AFF4: variants seen among roughly 807,000 people sequenced by gnomAD.
AFF4 encodes ALF transcription elongation factor 4.
Under a neutral mutation model 124.8 loss-of-function variants are expected in AFF4, and 13 were observed. The observed-to-expected ratio is 0.10, with a 90% CI of 0.07 to 0.17. The LOEUF (loss-of-function observed/expected upper bound fraction) is 0.17. AFF4 is among the 10% of genes least tolerant of loss of function. AFF4 has a pLI of 1.00. For synonymous variants in AFF4, 477 were observed against 496.1 expected, an observed-to-expected ratio of 0.96 and a Z score of 0.51; for missense variants, 1,092 against 1,403.8, an observed-to-expected ratio of 0.78 and a Z score of 3.55.
chr5:132,880,981 G>A lies in AFF4; in HGVS notation c.*78C>T, dbSNP rs1468564679. On this transcript the variant is annotated 3_prime_UTR_variant, in exon 21 of 21. Transcript: ENST00000265343. Reference sequence around the variant, plus strand: ...TCCTCATTCTTAGTGTCGACTAGGTGGTATGTTATGGCAGTTTTCCTTCGT... The same window carrying A: ...TCCTCATTCTTAGTGTCGACTAGGTAGTATGTTATGGCAGTTTTCCTTCGT... 3 of 1,525,154 alleles carry A rather than the reference G, an allele frequency of 2.0e-6. No individual in the cohort carries two copies. In the Admixed American group the frequency reaches 6.3e-5, roughly 32 times the overall value. 94.5% of individuals were successfully genotyped at this position (1,525,154 alleles called of 1,614,324 possible).
intron 11 of AFF4, among the ~76,000 whole-genome samples, chr5:132,895,190 A>G (rs78931081): frequency 6.6e-6 from 1 of 152,018 alleles, no homozygotes; most frequent in African/African-American, 2.4e-5. Flanking sequence ...TGAGCAAAAC[A>G]TCTCTATACT....
At chr5:132,908,845 T>C (rs1760730154) in intron 5 of AFF4, among the ~76,000 whole-genome samples, 1 of 149,462 alleles carries the variant, frequency 6.7e-6, no homozygotes, top group African/African-American at 2.5e-5. Flanking sequence ...ATTTCGGCTC[T>C]CTGCCACCTC....
At chr5:132,930,985 T>C (rs1761285604) in intron 4 of AFF4, among the ~76,000 whole-genome samples, 1 of 141,432 alleles carries the variant, frequency 7.1e-6, no homozygotes, top group Non-Finnish European at 1.5e-5. Flanking sequence ...CAGATGCCTA[T>C]AATCCCAGCT....
chr5:132,961,294 C>T (rs1028304981), intron 1 of AFF4, among the ~76,000 whole-genome samples: 6 of 152,080 alleles, frequency 3.9e-5, no homozygotes, highest in African/African-American at 7.2e-5. Context: ...GGACTACAGG[C>T]ATGTACCACC....
chr5:132,958,833 C>A (rs1048689673), intron 1 of AFF4, among the ~76,000 whole-genome samples: 7 of 152,136 alleles, frequency 4.6e-5, no homozygotes, highest in African/African-American at 1.7e-4. Context: ...CCCAAAGCAA[C>A]TCCAGGCAGC....
intron 5 of AFF4, among the ~76,000 whole-genome samples, chr5:132,925,792 G>A (rs1037183448): frequency 3.9e-5 from 6 of 152,180 alleles, no homozygotes; most frequent in Non-Finnish European, 5.9e-5. Flanking sequence ...AATACAAGTG[G>A]GAATACTGGC....
At chr5:132,903,312 C>T (rs903064236) in intron 6 of AFF4, among the ~76,000 whole-genome samples, 1 of 152,132 alleles carries the variant, frequency 6.6e-6, no homozygotes, top group South Asian at 2.1e-4. Flanking sequence ...GAAAGCATAA[C>T]ATCAAAAGAG....
intron 1 of AFF4, among the ~76,000 whole-genome samples, chr5:132,962,982 TGAGGAAAGAAA>T (rs1762114297): frequency 6.6e-6 from 1 of 152,140 alleles, no homozygotes; most frequent in African/African-American, 2.4e-5. Context: ...ATGGAACGTC[TGAGGAAAGAAA>T]GAGGAAAGGA....
chr5:132,877,145 ACAT>A lies in AFF4; in HGVS notation c.*3911_*3913del. 4.8e-6 allele frequency: 1 copy of A among 206,426 alleles called. No individual in the cohort carries two copies. Among genetic ancestry groups the A allele is most frequent in the Non-Finnish European group, 9.9e-6 (1 of 100,740 alleles). The allele number at this position is 206,426 out of a possible 1,614,324, so 12.8% of individuals were successfully genotyped here. ...CCAAGTTACTTAGGTTTTTTAAAAAACATCATCACAAGCTGCCTAACAGTCATC... is the reference window on the plus strand; with the variant it reads ...CCAAGTTACTTAGGTTTTTTAAAAAACATCACAAGCTGCCTAACAGTCATC... On this transcript the variant is annotated 3_prime_UTR_variant, in exon 21 of 21. Coordinates refer to ENST00000265343, the MANE Select transcript of AFF4 (RefSeq NM_014423.4).
Position 132,934,901 on chromosome 5 carries a change from A to G in AFF4, c.164T>C (p.Met55Thr), listed in dbSNP as rs372786258. The G allele has an allele frequency of 2.5e-6, 4 of 1,611,018 alleles. No homozygotes were observed. The highest frequency in any genetic ancestry group is 1.3e-5 in the African/African-American group (1 of 74,772). ...EDKLSSRIQS[M>T]LGNYDEMKDF... ...CTTCATTTCATCGTAGTTTCCAAGC[A>G]TACTCTGAATACGACTTGATAACTT... Residue 55 changes from methionine (M) to threonine (T), a missense_variant, in exon 3 of 21, where the codon ATG becomes ACG. This residue lies in a region of AFF4 where 35 missense variants were observed against 70.9 expected (regional missense o/e 0.49). Transcript: ENST00000265343.
At chr5:132,962,801 CTTCTT>C (rs1219478484) in intron 1 of AFF4, among the ~76,000 whole-genome samples, 1 of 133,412 alleles carries the variant, frequency 7.5e-6, no homozygotes, top group African/African-American at 3.3e-5. Flanking sequence ...GAAATTTTTC[CTTCTT>C]TTTTTTTTTT....
intron 1 of AFF4, among the ~76,000 whole-genome samples, chr5:132,939,777 A>G (rs1388224579): frequency 6.6e-6 from 1 of 152,122 alleles, no homozygotes; most frequent in African/African-American, 2.4e-5. Context: ...CGCCCGGCTA[A>G]TTTTTGTATT....
rs976746216 is a variant in AFF4, at chr5:132,892,935, T to C, written c.2396+95A>G. 1.2e-5 allele frequency: 15 copies of C among 1,205,410 alleles called. No individual in the cohort carries two copies. The Admixed American group carries it at 1.3e-4, about 10-fold the overall frequency. 74.7% of individuals were successfully genotyped at this position (1,205,410 alleles called of 1,614,324 possible). ...ATGCATTTATATAACACTTGCTTACTAAAAGGAACACTCAGAGCATGTCAG... is the reference window on the plus strand; with the variant it reads ...ATGCATTTATATAACACTTGCTTACCAAAAGGAACACTCAGAGCATGTCAG... On this transcript the variant is annotated intron_variant, in intron 12 of 20. Coordinates refer to ENST00000265343, the MANE Select transcript of AFF4 (RefSeq NM_014423.4).
chr5:132,943,986 G>C (rs1371280666), intron 1 of AFF4: 1 of 154,656 alleles, frequency 6.5e-6, no homozygotes, highest in African/African-American at 2.4e-5. Flanking sequence ...CACGTGTGTT[G>C]AGAGCTTCTG....
chr5:132,885,364 A>G (rs1561478900), intron 18 of AFF4, among the ~76,000 whole-genome samples: 1 of 151,376 alleles, frequency 6.6e-6, no homozygotes, highest in East Asian at 1.9e-4. Context: ...TGAGTAACAC[A>G]TGGATAAAGG....
rs79020539 is a variant in AFF4 at position 132,878,558 on chromosome 5, T to C, written c.*2501A>G. 0.012 allele frequency: 2,699 copies of C among 231,242 alleles called. 29 individuals are homozygous for C. Among genetic ancestry groups the C allele is most frequent in the African/African-American group, 0.033 (1,510 of 45,294 alleles). 14.3% of individuals were successfully genotyped at this position (231,242 alleles called of 1,614,324 possible). On this transcript the variant is annotated 3_prime_UTR_variant, in exon 21 of 21. Coordinates refer to ENST00000265343, the MANE Select transcript of AFF4 (RefSeq NM_014423.4). ...GACAAAGACAGAACATCTAAGAAGA[T>C]AGACATGGAGGAAAGGGAGTAGTAT... is the stretch of plus-strand genomic sequence containing the variant.
chr5:132,921,792 T>G (rs899966376), intron 5 of AFF4, among the ~76,000 whole-genome samples: 2 of 151,490 alleles, frequency 1.3e-5, no homozygotes, highest in African/African-American at 2.4e-5. Flanking sequence ...ATTTTTTCTT[T>G]CCCCCCCAGA....
chr5:132,951,460 G>C (rs1430560155), intron 1 of AFF4, among the ~76,000 whole-genome samples: 1 of 152,194 alleles, frequency 6.6e-6, no homozygotes, highest in Non-Finnish European at 1.5e-5. Flanking sequence ...ACATCTCCAA[G>C]TATTCTCTCC....
At position 132,880,654 on chromosome 5, in the gene AFF4, T is replaced by A. The variant is rs1467249378; in HGVS notation, c.*405A>T. On this transcript the variant is annotated 3_prime_UTR_variant, in exon 21 of 21. Transcript: ENST00000265343. ...CCCAAGGTATATAAATAAAAATGTC[T>A]ACATTAAATTTATGCTAAATATTCA... 3.2e-6 allele frequency: 1 copy of A among 314,266 alleles called. No individual in the cohort carries two copies. The highest frequency in any genetic ancestry group is 5.8e-6 in the Non-Finnish European group (1 of 173,616). 19.5% of individuals were successfully genotyped at this position (314,266 alleles called of 1,614,324 possible). A position where few individuals can be genotyped will look rare whatever the true frequency, so the allele number is the denominator to read the frequency against.
Sources: allele counts gnomAD v4.1 joint callset (sites outside exome capture counted in the v4.1 genomes callset), GRCh38; gene constraint gnomAD v4.1.1; regional missense constraint gnomAD v4.1.1; transcripts MANE v1.5; gene names NCBI Gene and HGNC (gene_info 2026-07-23, HGNC 2026-07-21).